CHSY3: variants seen among roughly 807,000 people sequenced by gnomAD.
CHSY3 encodes chondroitin sulfate synthase 3, also known as N-acetylgalactosaminyl-proteoglycan 3-beta-glucuronosyltransferase 3.
A neutral mutation model predicts 67.2 loss-of-function variants in CHSY3; 35 were observed. The ratio of observed to expected loss-of-function variants is 0.52; its 90% confidence interval spans 0.40 to 0.69. The LOEUF (loss-of-function observed/expected upper bound fraction) is 0.69. Among genes scored for constraint, CHSY3 ranks in the 30% least tolerant of loss-of-function variants. CHSY3 has a pLI of 0.00. For synonymous variants in CHSY3, 474 were observed against 434.7 expected (o/e 1.09, Z -1.12); for missense variants, 1,069 against 1,138.5 (o/e 0.94, Z 0.88).
At position 130,104,451 on chromosome 5, in the gene CHSY3, T is replaced by C. The variant is rs147614905; in HGVS notation, c.1087-79778T>C. Among the ~76,000 whole-genome samples the C allele has an allele frequency of 2.1e-3, 314 of 151,948 alleles. 1 individual carries two copies. Among genetic ancestry groups the C allele is most frequent in the Admixed American group, 5.8e-3 (89 of 15,242 alleles). On this transcript the variant is annotated intron_variant, in intron 2 of 2. Transcript: ENST00000305031. ...GTGCTTTTGTTGATGAAACAAAATA[T>C]GACTTAAAAAGAATAAAACTGGAAG... is the stretch of plus-strand genomic sequence containing the variant.
rs560947290 is a variant in CHSY3, at chr5:130,157,930, G to A, written c.1087-26299G>A. Among the ~76,000 whole-genome samples the A allele has an allele frequency of 3.9e-5, 6 of 152,164 alleles. No homozygotes were observed. The East Asian group carries it at 9.7e-4, about 25-fold the overall frequency. On this transcript the variant is annotated intron_variant, in intron 2 of 2. Transcript: ENST00000305031. ...TAGGGTAACTTCTGGATGTTGCCAC[G>A]GCATCTATAAATTGCCATGGCATCT...
chr5:130,092,879 G>A (rs1336242090), intron 2 of CHSY3, among the ~76,000 whole-genome samples: 1 of 152,146 alleles, frequency 6.6e-6, no homozygotes, highest in Non-Finnish European at 1.5e-5. Context: ...AAGAGGAGTT[G>A]ATCAACAGGA....
intron 2 of CHSY3, among the ~76,000 whole-genome samples, chr5:130,012,458 A>T (rs1273513582): frequency 2.6e-5 from 4 of 152,156 alleles, no homozygotes; most frequent in Non-Finnish European, 4.4e-5. Flanking sequence ...TGCTACTGTG[A>T]CTTAGACTAG....
Position 129,946,995 on chromosome 5 carries a change from C to T in CHSY3, c.1086+38635C>T, listed in dbSNP as rs562553031. 2.0e-5 allele frequency among the ~76,000 whole-genome samples: 3 copies of T among 152,128 alleles called. No individual in the cohort carries two copies. In the South Asian group the frequency reaches 6.2e-4, roughly 31 times the overall value. On this transcript the variant is annotated intron_variant, in intron 2 of 2. Coordinates refer to ENST00000305031, the MANE Select transcript of CHSY3 (RefSeq NM_175856.5). ...GTATTTTTAATTTTATGAGGAACCTCCTATATTAGTCCGTTCTCACACTGC... is the reference window on the plus strand; with the variant it reads ...GTATTTTTAATTTTATGAGGAACCTTCTATATTAGTCCGTTCTCACACTGC...
chr5:129,959,525 G>T (rs549919769), intron 2 of CHSY3, among the ~76,000 whole-genome samples: 1 of 152,206 alleles, frequency 6.6e-6, no homozygotes, highest in South Asian at 2.1e-4. Flanking sequence ...TAATTTGCAT[G>T]TAAAACTATA....
chr5:130,034,557 A>G (rs1764794429), intron 2 of CHSY3, among the ~76,000 whole-genome samples: 1 of 152,180 alleles, frequency 6.6e-6, no homozygotes. Flanking sequence ...GCCCAGCTCT[A>G]AGGGCTGTAG....
chr5:130,118,874 C>T (rs1561544875), intron 2 of CHSY3, among the ~76,000 whole-genome samples: 1 of 152,042 alleles, frequency 6.6e-6, no homozygotes, highest in Non-Finnish European at 1.5e-5. Flanking sequence ...CCAAATTTTC[C>T]TCTTTCTTTC....
intron 2 of CHSY3, among the ~76,000 whole-genome samples, chr5:130,102,129 C>G (rs1003687817): frequency 2.6e-5 from 4 of 151,986 alleles, no homozygotes; most frequent in Admixed American, 2.6e-4. Flanking sequence ...AATATATTAT[C>G]CTTGTATATT....
chr5:130,094,917 T>C (rs1766996504), intron 2 of CHSY3, among the ~76,000 whole-genome samples: 1 of 152,124 alleles, frequency 6.6e-6, no homozygotes, highest in African/African-American at 2.4e-5. Context: ...TATACTAGGA[T>C]TGAACAAATA....
At chr5:130,133,862 C>T (rs1241500312) in intron 2 of CHSY3, among the ~76,000 whole-genome samples, 5 of 150,748 alleles carry the variant, frequency 3.3e-5, no homozygotes, top group African/African-American at 4.9e-5. Context: ...TATGTTTGCT[C>T]CCAAACATAC....
At chr5:130,082,937 G>A (rs1766491651) in intron 2 of CHSY3, among the ~76,000 whole-genome samples, 1 of 151,424 alleles carries the variant, frequency 6.6e-6, no homozygotes, top group South Asian at 2.1e-4. Flanking sequence ...GATAGCTGCA[G>A]CCAACAATCA....
At chr5:130,093,102 A>G (rs1357578370) in intron 2 of CHSY3, among the ~76,000 whole-genome samples, 2 of 152,212 alleles carry the variant, frequency 1.3e-5, no homozygotes, top group Non-Finnish European at 2.9e-5. Flanking sequence ...AATTATAAAT[A>G]CCATCTCTAT....
At chr5:129,954,386 T>C (rs1462376893) in intron 2 of CHSY3, among the ~76,000 whole-genome samples, 2 of 152,172 alleles carry the variant, frequency 1.3e-5, no homozygotes, top group African/African-American at 4.8e-5. Flanking sequence ...ACTGTGGCCT[T>C]ATAGTATAGT....
chr5:130,131,780 A>T (rs1328191016), intron 2 of CHSY3, among the ~76,000 whole-genome samples: 1 of 152,164 alleles, frequency 6.6e-6, no homozygotes, highest in Non-Finnish European at 1.5e-5. Context: ...AAGCTTCATA[A>T]TAATAAGGAT....
In CHSY3 at chr5:130,124,062, AAAG is replaced by A. The variant is rs1345724617; in HGVS notation, c.1087-60163_1087-60161del. ...CTCAAAAAAAAAAAAAAAAAAAAAA[AAAG>A]AAGTAAACAGTTCTAAGAGCAATGG... On this transcript the variant is annotated intron_variant, in intron 2 of 2. Transcript: ENST00000305031. Among the ~76,000 whole-genome samples, 53 of 150,816 alleles carry A rather than the reference AAAG, an allele frequency of 3.5e-4. No individual in the cohort carries two copies. The South Asian group carries it at 5.7e-3, about 16-fold the overall frequency.
intron 2 of CHSY3, among the ~76,000 whole-genome samples, chr5:130,038,369 A>G (rs1764917108): frequency 6.6e-6 from 1 of 151,842 alleles, no homozygotes; most frequent in African/African-American, 2.4e-5. Flanking sequence ...TTAAGCTCGA[A>G]AATAGACTTC....
intron 2 of CHSY3, among the ~76,000 whole-genome samples, chr5:130,060,041 G>A (rs368717581): frequency 2.6e-5 from 4 of 150,980 alleles, no homozygotes; most frequent in East Asian, 1.9e-4. Flanking sequence ...AAGTCAAGGA[G>A]GAGGAATTCC....
In CHSY3 at chr5:129,949,918, C is replaced by CT. The variant is rs1484180797; in HGVS notation, c.1086+41561dup. 7.2e-5 allele frequency among the ~76,000 whole-genome samples: 11 copies of CT among 152,204 alleles called. No homozygotes were observed. In the South Asian group the frequency reaches 1.7e-3, roughly 23 times the overall value. On this transcript the variant is annotated intron_variant, in intron 2 of 2. Coordinates refer to ENST00000305031, the MANE Select transcript of CHSY3 (RefSeq NM_175856.5). ...GTGGCTCATGCCTGTAATCCCAGCA[C>CT]TTTGGGAGGCTGAGGGGGGTGGATC...
intron 2 of CHSY3, among the ~76,000 whole-genome samples, chr5:130,042,314 T>C (rs946481296): frequency 1.3e-5 from 2 of 152,278 alleles, no homozygotes; most frequent in South Asian, 4.1e-4. Flanking sequence ...AAATTTATTA[T>C]AGCATAGCAG....
Sources: allele counts gnomAD v4.1 joint callset (sites outside exome capture counted in the v4.1 genomes callset), GRCh38; gene constraint gnomAD v4.1.1; transcripts MANE v1.5; gene names NCBI Gene and HGNC (gene_info 2026-07-23, HGNC 2026-07-21).